Variants in RAD54B observed in about 807,000 individuals in gnomAD.
RAD54B encodes the protein DNA repair and recombination protein RAD54B.
A neutral mutation model predicts 95.8 loss-of-function variants in RAD54B; 78 were observed. The ratio of observed to expected loss-of-function variants is 0.81; its 90% CI spans 0.68 to 0.98. RAD54B has a LOEUF of 0.98. RAD54B is among the 50% of genes least tolerant of loss of function. The probability of loss-of-function intolerance (pLI) is 0.00; values close to 1 mark genes in which losing one functional copy is unlikely to be tolerated. For synonymous variants in RAD54B, 328 were observed against 354.9 expected (o/e 0.92, Z 0.85); for missense variants, 957 against 1,056.6 (o/e 0.91, Z 1.31).
intron 3 of RAD54B, among the ~76,000 whole-genome samples, chr8:94,437,950 G>C (rs537378596): frequency 8.5e-5 from 13 of 152,246 alleles, no homozygotes; most frequent in Admixed American, 2.0e-4. Flanking sequence ...TATTTTTCCA[G>C]ATAGGGGAAT....
intron 12 of RAD54B, among the ~76,000 whole-genome samples, chr8:94,379,415 C>T (rs1276809771): frequency 6.6e-6 from 1 of 152,136 alleles, no homozygotes; most frequent in South Asian, 2.1e-4. Context: ...TCACCAATGC[C>T]GACAGAATTA....
intron 3 of RAD54B, among the ~76,000 whole-genome samples, chr8:94,423,583 G>T (rs114383594): frequency 0.018 from 2,735 of 152,182 alleles, 69 homozygotes; most frequent in African/African-American, 0.061. Context: ...ATATTATCAG[G>T]ATCGTATTAA....
intron 2 of RAD54B, among the ~76,000 whole-genome samples, chr8:94,464,415 T>C (rs1381610961): frequency 2.6e-5 from 4 of 151,922 alleles, no homozygotes; most frequent in South Asian, 2.1e-4. Context: ...GAAATGAATA[T>C]AGCCTTACCA....
At chr8:94,374,248 T>C (rs1220573685) in intron 14 of RAD54B, among the ~76,000 whole-genome samples, 5 of 149,998 alleles carry the variant, frequency 3.3e-5, no homozygotes, top group South Asian at 2.1e-4. Context: ...CACTGCACAC[T>C]AGCCTGGGTG....
intron 3 of RAD54B, among the ~76,000 whole-genome samples, chr8:94,443,176 T>A (rs1035397414): frequency 1.3e-5 from 2 of 152,102 alleles, no homozygotes; most frequent in African/African-American, 2.4e-5. Context: ...TGCAGGGACA[T>A]GAATGGAGGT....
chr8:94,428,201 T>C, intron 3 of RAD54B: 1 of 849,588 alleles, frequency 1.2e-6, no homozygotes, highest in Non-Finnish European at 1.4e-6. Context: ...TTAGTATATT[T>C]ATCAAATGTA....
chr8:94,419,353 C>T (rs1400116746), intron 3 of RAD54B, among the ~76,000 whole-genome samples: 1 of 151,962 alleles, frequency 6.6e-6, no homozygotes, highest in African/African-American at 2.4e-5. Flanking sequence ...ACTAAAAATG[C>T]AAACATTAGC....
At chr8:94,373,837 G>T (rs1365126801) in intron 14 of RAD54B, among the ~76,000 whole-genome samples, 9 of 152,070 alleles carry the variant, frequency 5.9e-5, no homozygotes, top group Non-Finnish European at 1.2e-4. Context: ...TATATAGCAT[G>T]TATCATTTCA....
At chr8:94,377,157 C>A (rs564505006) in intron 14 of RAD54B, among the ~76,000 whole-genome samples, 3 of 152,178 alleles carry the variant, frequency 2.0e-5, no homozygotes, top group Admixed American at 2.0e-4. Context: ...AATATGACCC[C>A]ATTATGAATA....
chr8:94,467,656 C>A, intron 1 of RAD54B, 101 bp from the exon 2 acceptor site: 1 of 1,199,854 alleles, frequency 8.3e-7, no homozygotes, highest in South Asian at 1.8e-5. Flanking sequence ...AACAGAAACC[C>A]CTCTTATGGG....
intron 3 of RAD54B, chr8:94,432,779 TAAA>T: frequency 8.1e-7 from 1 of 1,234,640 alleles, no homozygotes; most frequent in South Asian, 2.7e-5. Flanking sequence ...AGTTACAAAA[TAAA>T]AAAAAATCTT....
intron 3 of RAD54B, among the ~76,000 whole-genome samples, chr8:94,411,920 CA>C: frequency 6.6e-6 from 1 of 152,102 alleles, no homozygotes; most frequent in Non-Finnish European, 1.5e-5. Context: ...TAGCATTTTT[CA>C]AGTATACATT....
intron 3 of RAD54B, among the ~76,000 whole-genome samples, chr8:94,451,958 G>A (rs777480460): frequency 8.5e-5 from 13 of 152,178 alleles, no homozygotes; most frequent in Non-Finnish European, 1.9e-4. Flanking sequence ...ACCATAAACT[G>A]GGTAGCTTAT....
chr8:94,394,076 C>T (rs924118006), intron 8 of RAD54B, among the ~76,000 whole-genome samples, 194 bp from the exon 9 acceptor site: 20 of 152,172 alleles, frequency 1.3e-4, no homozygotes, highest in African/African-American at 4.8e-4. Context: ...AAACTTTTAA[C>T]TCTGGTTTTA....
At position 94,397,333 on chromosome 8, in the gene RAD54B, AG is replaced by A. The variant is rs1361050936; in HGVS notation, c.1378+2080del. Among the ~76,000 whole-genome samples, 4 of 152,328 alleles carry A rather than the reference AG, an allele frequency of 2.6e-5. No homozygotes were observed. The East Asian group carries it at 7.7e-4, about 29-fold the overall frequency. ...CAAAGACTTCATTCAGGCAATTCTA[AG>A]AATACAGAAACCAACTATGAGTATT... On this transcript the variant is annotated intron_variant, in intron 8 of 14. Transcript: ENST00000336148.
chr8:94,391,816 A>T lies in RAD54B; in HGVS notation c.1602T>A (p.Ile534=). 1 of 1,613,948 alleles carries T rather than the reference A, an allele frequency of 6.2e-7. No individual in the cohort carries two copies. The highest frequency in any genetic ancestry group is 1.1e-5 in the South Asian group (1 of 91,026). ...GLFILRRTQE[I]INKYLPPKIE... ...TTTTAGGTGGGAGATATTTATTTATAATTTCTTGGGTTCTTCTAAGGATAA... is the reference window on the plus strand; with the variant it reads ...TTTTAGGTGGGAGATATTTATTTATTATTTCTTGGGTTCTTCTAAGGATAA... The change falls in exon 10 of 15, where the codon ATT becomes ATA. Residue 534 remains isoleucine, a synonymous_variant. Transcript: ENST00000336148.
At chr8:94,379,541 A>G (rs546137322) in intron 12 of RAD54B, among the ~76,000 whole-genome samples, 36 of 152,314 alleles carry the variant, frequency 2.4e-4, no homozygotes, top group Admixed American at 5.9e-4. Flanking sequence ...ATTCTTTACT[A>G]TAATGTAACA....
chr8:94,402,157 AT>A (rs1811281143), intron 6 of RAD54B, among the ~76,000 whole-genome samples: 2 of 151,920 alleles, frequency 1.3e-5, no homozygotes, highest in South Asian at 4.1e-4. Context: ...GTTATTTATG[AT>A]TTTTCTTCAA....
intron 14 of RAD54B, among the ~76,000 whole-genome samples, chr8:94,376,997 A>G (rs1810592294): frequency 6.6e-6 from 1 of 152,148 alleles, no homozygotes; most frequent in Non-Finnish European, 1.5e-5. Flanking sequence ...CAGCTACTAG[A>G]CATTGATTGC....
Sources: gnomAD v4.1 joint callset for allele counts (sites outside exome capture counted in the v4.1 genomes callset) on GRCh38, gnomAD v4.1.1 for gene constraint, MANE v1.5 for transcripts, NCBI Gene and HGNC (gene_info 2026-07-23, HGNC 2026-07-21) for gene names.